The following KBTBD11 variants were observed in gnomAD, a reference collection of about 807,000 sequenced individuals.
KBTBD11 encodes the protein kelch repeat and BTB domain containing 11.
For missense variants in KBTBD11, 1,390 were observed against 1,001.8 expected (o/e 1.39, Z -5.23); for synonymous variants, 747 against 499.0 (o/e 1.50, Z -6.63).
At chr8:1,984,434 GC>G (rs1437739991) in intron 1 of KBTBD11, among the ~76,000 whole-genome samples, 6 of 151,838 alleles carry the variant, frequency 4.0e-5, no homozygotes, top group Non-Finnish European at 8.8e-5. Flanking sequence ...GACAACAGCT[GC>G]CCGCACCACA....
intron 1 of KBTBD11, 148 bp downstream of exon 1, chr8:1,974,083 G>A (rs1194453104): frequency 3.1e-6 from 1 of 324,004 alleles, no homozygotes; most frequent in Non-Finnish European, 4.1e-6. Context: ...GCCGGCAGGG[G>A]AGAGGCGGGG....
intron 1 of KBTBD11, among the ~76,000 whole-genome samples, chr8:1,984,997 G>A (rs1352164868): frequency 6.6e-6 from 1 of 152,198 alleles, no homozygotes; most frequent in Non-Finnish European, 1.5e-5. Flanking sequence ...GGAATGGCCT[G>A]GCAGTCTGAT....
rs1817559896 is a variant in KBTBD11, at chr8:2,005,924, A to G, written c.*2860A>G. 1 of 167,108 alleles carries G rather than the reference A, an allele frequency of 6.0e-6. No homozygotes were observed. The highest frequency in any genetic ancestry group is 2.4e-5 in the African/African-American group (1 of 41,454). 10.4% of individuals were successfully genotyped at this position (167,108 alleles called of 1,614,324 possible). A position where few individuals can be genotyped will look rare whatever the true frequency, so the allele number is the denominator to read the frequency against. On this transcript the variant is annotated 3_prime_UTR_variant, in exon 2 of 2. Transcript: ENST00000320248. ...CAAGGTTCATTTGAGATGCAGAGGA[A>G]TGAGCTTGAGCCTTCCTCCTTTTCC... is the stretch of plus-strand genomic sequence containing the variant.
At position 1,989,099 on chromosome 8, in the gene KBTBD11, C is replaced by A. The variant is rs1056606209; in HGVS notation, c.-908-11186C>A. 3.3e-5 allele frequency among the ~76,000 whole-genome samples: 5 copies of A among 152,156 alleles called. No individual in the cohort carries two copies. The East Asian group carries it at 5.8e-4, about 18-fold the overall frequency. Reference sequence around the variant, plus strand: ...TGGACATTTCAGGAGAGTCTTTCAGCCGGTGCCTCTCTCCAGAGCCTTGGT... The same window carrying A: ...TGGACATTTCAGGAGAGTCTTTCAGACGGTGCCTCTCTCCAGAGCCTTGGT... On this transcript the variant is annotated intron_variant, in intron 1 of 1. Transcript: ENST00000320248.
At chr8:1,986,975 C>T (rs1387119910) in intron 1 of KBTBD11, among the ~76,000 whole-genome samples, 3 of 122,444 alleles carry the variant, frequency 2.5e-5, no homozygotes, top group African/African-American at 3.2e-5. Flanking sequence ...GAGTTGAAGA[C>T]AGCCTGGCAA....
intron 1 of KBTBD11, among the ~76,000 whole-genome samples, chr8:1,988,502 A>G (rs539622477): frequency 6.6e-6 from 1 of 152,086 alleles, no homozygotes; most frequent in East Asian, 1.9e-4. Context: ...GCATTTTTTC[A>G]TGTGTCTGTC....
Position 2,001,943 on chromosome 8 carries a change from C to T in KBTBD11, c.751C>T (p.Leu251=), listed in dbSNP as rs1271641589. 4 of 1,472,946 alleles carry T rather than the reference C, an allele frequency of 2.7e-6. No homozygotes were observed. The highest frequency in any genetic ancestry group is 3.6e-6 in the Non-Finnish European group (4 of 1,109,012). The allele number at this position is 1,472,946 out of a possible 1,614,324, so 91.2% of individuals were successfully genotyped here. A position where few individuals can be genotyped will look rare whatever the true frequency, so the allele number is the denominator to read the frequency against. ...GGCCAAGCGGCAGCGGCTGAACGAGCTGCGCGACGCCGCCTACTGCTTCAT... is the reference window on the plus strand; with the variant it reads ...GGCCAAGCGGCAGCGGCTGAACGAGTTGCGCGACGCCGCCTACTGCTTCAT... The part of the protein sequence containing the change: ...SAAKRQRLNE[L]RDAAYCFMSD... Residue 251 remains leucine, a synonymous_variant, in exon 2 of 2, where the codon CTG becomes TTG. Transcript: ENST00000320248.
chr8:2,002,638 G>C lies in KBTBD11; in HGVS notation c.1446G>C (p.Glu482Asp), dbSNP rs757951892. 11 of 1,580,220 alleles carry C rather than the reference G, an allele frequency of 7.0e-6. No individual in the cohort carries two copies. The highest frequency in any genetic ancestry group is 2.3e-5 in the East Asian group (1 of 43,364). Residue 482 changes from glutamate to aspartate, a missense_variant, in exon 2 of 2, where the codon GAG (glutamate) becomes GAC (aspartate). Coordinates refer to ENST00000320248, the MANE Select transcript of KBTBD11 (RefSeq NM_014867.3). The surrounding 1 kb of genome is among the most constrained non-coding windows in gnomAD (Gnocchi z 4.1). Reference sequence around the variant, plus strand: ...ACCCGCGGCGCGACGAGTGGCAGGAGTGCCCGTGCAGCAGCAGCCGCGAGC... The same window carrying C: ...ACCCGCGGCGCGACGAGTGGCAGGACTGCCCGTGCAGCAGCAGCCGCGAGC... ...KYDPRRDEWQ[E>D]CPCSSSRERS...
chr8:1,999,369 A>G (rs894652815), intron 1 of KBTBD11, among the ~76,000 whole-genome samples: 1 of 152,102 alleles, frequency 6.6e-6, no homozygotes, highest in South Asian at 2.1e-4. Flanking sequence ...AGAGCTGAAC[A>G]CGCATTCTGT....
At chr8:1,993,568 TCC>T (rs1817016783) in intron 1 of KBTBD11, among the ~76,000 whole-genome samples, 12 of 100,744 alleles carry the variant, frequency 1.2e-4, no homozygotes, top group Admixed American at 7.0e-4. Context: ...CATCCATCCA[TCC>T]ATCCATCCAT....
intron 1 of KBTBD11, among the ~76,000 whole-genome samples, chr8:1,981,781 T>G (rs184253246): frequency 2.4e-4 from 36 of 152,358 alleles, no homozygotes; most frequent in Admixed American, 2.2e-3. Context: ...GCCTTTGGAC[T>G]CTGGGACTTG....
intron 1 of KBTBD11, among the ~76,000 whole-genome samples, chr8:1,984,194 T>A (rs989474535): frequency 2.0e-5 from 3 of 151,792 alleles, no homozygotes; most frequent in African/African-American, 7.3e-5. Context: ...TCCAAACACT[T>A]TGGGAGGCCG....
rs920934873 is a variant in KBTBD11 at position 2,002,030 on chromosome 8, G to A, written c.838G>A (p.Glu280Lys). 1 of 1,350,384 alleles carries A rather than the reference G, an allele frequency of 7.4e-7. No homozygotes were observed. 83.7% of individuals were successfully genotyped at this position (1,350,384 alleles called of 1,614,324 possible). A position where few individuals can be genotyped will look rare whatever the true frequency, so the allele number is the denominator to read the frequency against. The change falls in exon 2 of 2, where the codon GAG (glutamate) becomes AAG (lysine). Residue 280 changes from glutamate to lysine, a missense_variant. Glu to Lys is a moderately conservative substitution (Grantham distance 56). Transcript: ENST00000320248. The surrounding 1 kb of genome is among the most constrained non-coding windows in gnomAD (Gnocchi z 4.1). Reference sequence around the variant, plus strand: ...CGTGTTCGGCCGCCTGTCGGGCGCAGAGCGGGACCTGCTGCTGCGCCGCCG... The same window carrying A: ...CGTGTTCGGCCGCCTGTCGGGCGCAAAGCGGGACCTGCTGCTGCGCCGCCG... The part of the protein sequence containing the change: ...PAVFGRLSGA[E>K]RDLLLRRRLR...
At chr8:1,990,416 C>T (rs1246974452) in intron 1 of KBTBD11, among the ~76,000 whole-genome samples, 2 of 130,210 alleles carry the variant, frequency 1.5e-5, no homozygotes, top group African/African-American at 3.0e-5. Context: ...GCTGCCGGGC[C>T]TTGGCGCCCT....
intron 1 of KBTBD11, among the ~76,000 whole-genome samples, chr8:1,985,756 G>A (rs1816690219): frequency 6.6e-6 from 1 of 152,234 alleles, no homozygotes; most frequent in Non-Finnish European, 1.5e-5. Context: ...TTGCACCCCT[G>A]CAACCCAGCC....
At chr8:1,990,333 C>T (rs1385012740) in intron 1 of KBTBD11, among the ~76,000 whole-genome samples, 1 of 143,718 alleles carries the variant, frequency 7.0e-6, no homozygotes, top group South Asian at 2.3e-4. Context: ...GGTGCCCTGT[C>T]TGGGTAGATG....
intron 1 of KBTBD11, chr8:1,976,189 A>G (rs1816337130): frequency 6.6e-6 from 1 of 152,098 alleles, no homozygotes; most frequent in African/African-American, 2.4e-5. Flanking sequence ...ATCACAAATC[A>G]GCCTGTCATT....
chr8:1,985,465 C>T (rs567926377), intron 1 of KBTBD11, among the ~76,000 whole-genome samples: 3 of 152,412 alleles, frequency 2.0e-5, no homozygotes, highest in African/African-American at 7.2e-5. Context: ...ACAGCAGCGT[C>T]TGTCCTGGCG....
At chr8:1,992,699 A>C (rs1816963289) in intron 1 of KBTBD11, among the ~76,000 whole-genome samples, 2 of 152,216 alleles carry the variant, frequency 1.3e-5, no homozygotes, top group South Asian at 4.1e-4. Context: ...TATACTTTAA[A>C]ACCCACAAGT....
Sources: allele counts gnomAD v4.1 joint callset (sites outside exome capture counted in the v4.1 genomes callset), GRCh38; gene constraint gnomAD v4.1.1; non-coding constraint Gnocchi (gnomAD v3.1); transcripts MANE v1.5; gene names NCBI Gene and HGNC (gene_info 2026-07-23, HGNC 2026-07-21).